The following VPS26B variants were observed in gnomAD, a reference collection of about 807,000 sequenced individuals.
VPS26B encodes the protein vacuolar protein sorting-associated protein 26B.
In VPS26B, 10 loss-of-function variants were observed where a neutral mutation model predicts 33.3. The observed-to-expected ratio is 0.30, with a 90% CI of 0.19 to 0.51. The LOEUF (loss-of-function observed/expected upper bound fraction) is 0.51. Among genes scored for constraint, VPS26B ranks in the 20% least tolerant of loss-of-function variants. The pLI, the probability that VPS26B is intolerant of heterozygous loss-of-function variation, is 0.98. For synonymous variants in VPS26B, 190 were observed against 176.9 expected (o/e 1.07, Z -0.59); for missense variants, 317 against 452.7 (o/e 0.70, Z 2.72).
rs1938800880 is a variant in VPS26B, at chr11:134,245,593, C to T, written c.*3C>T. 6.2e-7 allele frequency: 1 copy of T among 1,605,784 alleles called. No individual in the cohort carries two copies. The highest frequency in any genetic ancestry group is 1.1e-5 in the South Asian group (1 of 90,580). On this transcript the variant is annotated 3_prime_UTR_variant, in exon 6 of 6. Transcript: ENST00000281187. This position sits in a 1 kb window ranked among gnomAD's most constrained non-coding sequence, Gnocchi z 4.7. Reference sequence around the variant, plus strand: ...CTGACAACAACTGCAGGCAGTAGGCCCCCAGGGCCGAGAAGATGCTGGGCA... The same window carrying T: ...CTGACAACAACTGCAGGCAGTAGGCTCCCAGGGCCGAGAAGATGCTGGGCA...
intron 3 of VPS26B, among the ~76,000 whole-genome samples, chr11:134,241,951 G>A (rs1412858823): frequency 6.6e-6 from 1 of 152,222 alleles, no homozygotes; most frequent in Non-Finnish European, 1.5e-5. Context: ...AGGTGGCAGC[G>A]GAGCTGAGAT....
intron 2 of VPS26B, 100 bp from the exon 3 acceptor site, chr11:134,239,891 C>G: frequency 7.2e-7 from 1 of 1,379,930 alleles, no homozygotes. Context: ...GGTTAAGAAC[C>G]TTTGTACAGG....
chr11:134,232,910 T>A (rs987437871), intron 1 of VPS26B, among the ~76,000 whole-genome samples: 66 of 151,868 alleles, frequency 4.3e-4, no homozygotes, highest in African/African-American at 1.5e-3. Flanking sequence ...AGCCGAGGAG[T>A]CCCTGTCCCC....
intron 1 of VPS26B, among the ~76,000 whole-genome samples, chr11:134,231,169 C>T (rs577748372): frequency 1.3e-5 from 2 of 151,386 alleles, no homozygotes; most frequent in East Asian, 1.9e-4. Context: ...GTCAGACATG[C>T]GGAGGAGGGC....
chr11:134,241,823 G>C (rs1440923693), intron 3 of VPS26B, among the ~76,000 whole-genome samples: 2 of 152,240 alleles, frequency 1.3e-5, no homozygotes, highest in Non-Finnish European at 2.9e-5. Flanking sequence ...ACCAGGTCCT[G>C]CTCTTACACT....
At chr11:134,231,089 T>C (rs567941104) in intron 1 of VPS26B, among the ~76,000 whole-genome samples, 1 of 152,150 alleles carries the variant, frequency 6.6e-6, no homozygotes, top group African/African-American at 2.4e-5. Context: ...GGAACACCAG[T>C]GAAGTTTAGA....
At chr11:134,229,221 G>C (rs959422819) in intron 1 of VPS26B, among the ~76,000 whole-genome samples, 5 of 152,072 alleles carry the variant, frequency 3.3e-5, no homozygotes, top group Admixed American at 3.3e-4. Context: ...TGTAGAGACA[G>C]GGTCTGTCTT....
intron 2 of VPS26B, among the ~76,000 whole-genome samples, chr11:134,236,166 A>G (rs947754524): frequency 1.3e-5 from 2 of 151,976 alleles, no homozygotes; most frequent in African/African-American, 2.4e-5. Flanking sequence ...AAATTTTTTT[A>G]ATTTTTTTAA....
At chr11:134,234,657 A>G (rs1938604713) in intron 1 of VPS26B, among the ~76,000 whole-genome samples, 1 of 152,168 alleles carries the variant, frequency 6.6e-6, no homozygotes, top group Non-Finnish European at 1.5e-5. Context: ...GTCTTGGAGC[A>G]GGATTATTTT....
intron 1 of VPS26B, among the ~76,000 whole-genome samples, chr11:134,226,047 T>TA (rs1938461084): frequency 6.6e-6 from 1 of 152,228 alleles, no homozygotes; most frequent in Non-Finnish European, 1.5e-5. Context: ...ATGGTGTTTC[T>TA]AAAAACCACA....
At chr11:134,238,290 G>A (rs1938663560) in intron 2 of VPS26B, among the ~76,000 whole-genome samples, 1 of 152,200 alleles carries the variant, frequency 6.6e-6, no homozygotes, top group Admixed American at 6.5e-5. Context: ...GGGTGAAAAT[G>A]CAGAGACATG....
rs746535728 is a variant in VPS26B at position 134,245,526 on chromosome 11, G to T, written c.947G>T (p.Gly316Val). 1.6e-5 allele frequency: 26 copies of T among 1,613,850 alleles called. No homozygotes were observed. Among genetic ancestry groups the T allele is most frequent in the Non-Finnish European group, 1.9e-5 (23 of 1,179,986 alleles). ...GCCATCGCCTCACAGCGCTTTGAGGGCACCACCTCCCTGGGTGAGGTGCGG... is the reference window on the plus strand; with the variant it reads ...GCCATCGCCTCACAGCGCTTTGAGGTCACCACCTCCCTGGGTGAGGTGCGG... ...QAAIASQRFE[G>V]TTSLGEVRTP... The change falls in exon 6 of 6, where the codon GGC becomes GTC. Residue 316 changes from glycine (G) to valine (V), a missense_variant. Gly to Val is a moderately radical substitution (Grantham distance 109). Transcript: ENST00000281187. The surrounding 1 kb of genome is among the most constrained non-coding windows in gnomAD (Gnocchi z 4.7).
At chr11:134,232,784 C>G (rs1055454752) in intron 1 of VPS26B, among the ~76,000 whole-genome samples, 7 of 152,204 alleles carry the variant, frequency 4.6e-5, no homozygotes, top group African/African-American at 1.4e-4. Context: ...CTTCTGTCCC[C>G]TGAAACTATG....
chr11:134,230,490 A>C (rs1478169143), intron 1 of VPS26B, among the ~76,000 whole-genome samples: 2 of 152,160 alleles, frequency 1.3e-5, no homozygotes, highest in Non-Finnish European at 2.9e-5. Context: ...GGAGGCATTG[A>C]TGAGCAACAT....
chr11:134,246,857 T>C lies in VPS26B; in HGVS notation c.*1267T>C, dbSNP rs1263619783. 6.6e-6 allele frequency: 1 copy of C among 152,162 alleles called. No homozygotes were observed. The highest frequency in any genetic ancestry group is 1.5e-5 in the Non-Finnish European group (1 of 68,014). 9.4% of individuals were successfully genotyped at this position (152,162 alleles called of 1,614,324 possible). ...GTAGTAAAGTTGTTTACTGTCCTTTTTCTGCTTCCCCTGGAAATGACAGGC... is the reference window on the plus strand; with the variant it reads ...GTAGTAAAGTTGTTTACTGTCCTTTCTCTGCTTCCCCTGGAAATGACAGGC... On this transcript the variant is annotated 3_prime_UTR_variant, in exon 6 of 6. Transcript: ENST00000281187.
At chr11:134,237,309 A>G (rs1938647713) in intron 2 of VPS26B, among the ~76,000 whole-genome samples, 1 of 152,210 alleles carries the variant, frequency 6.6e-6, no homozygotes, top group Admixed American at 6.5e-5. Flanking sequence ...ATGGGAACAA[A>G]GAGAAAGTGA....
At position 134,244,233 on chromosome 11, in the gene VPS26B, A is replaced by G. The variant is rs1565359165; in HGVS notation, c.722-705A>G. ...TGAGAATGCATGTAAAAGAGCAGAT[A>G]ATGATAAGATGGCTTATATTTAGCT... On this transcript the variant is annotated intron_variant, in intron 4 of 5. Coordinates refer to ENST00000281187, the MANE Select transcript of VPS26B (RefSeq NM_052875.5). This position sits in a 1 kb window ranked among gnomAD's most constrained non-coding sequence, Gnocchi z 4.0. The G allele has an allele frequency of 6.6e-6, 1 of 152,234 alleles. No individual in the cohort carries two copies. The highest frequency in any genetic ancestry group is 2.4e-5 in the African/African-American group (1 of 41,462). The allele number at this position is 152,234 out of a possible 1,614,324, so 9.4% of individuals were successfully genotyped here.
chr11:134,242,287 G>A (rs947359477), intron 3 of VPS26B, among the ~76,000 whole-genome samples: 1 of 152,174 alleles, frequency 6.6e-6, no homozygotes, highest in Non-Finnish European at 1.5e-5. Context: ...CCAGCCTGGG[G>A]ACTAGGATCC....
chr11:134,233,102 G>A (rs931276262), intron 1 of VPS26B, among the ~76,000 whole-genome samples: 3 of 152,178 alleles, frequency 2.0e-5, no homozygotes, highest in Non-Finnish European at 2.9e-5. Context: ...TGAGTGTTTG[G>A]AAAGGAAGGT....
Sources: gnomAD v4.1 joint callset for allele counts (sites outside exome capture counted in the v4.1 genomes callset) on GRCh38, gnomAD v4.1.1 for gene constraint, Gnocchi (gnomAD v3.1) non-coding constraint, MANE v1.5 for transcripts, NCBI Gene and HGNC (gene_info 2026-07-23, HGNC 2026-07-21) for gene names.